KIF18B: variants seen among roughly 807,000 people sequenced by gnomAD.
KIF18B encodes the protein kinesin family member 18B.
KIF18B carries 49 observed loss-of-function variants against 80.9 expected under a neutral mutation model. That is an observed-to-expected ratio of 0.61 (90% CI 0.48 to 0.77). The LOEUF (loss-of-function observed/expected upper bound fraction) is 0.77, where lower values mean the gene tolerates loss of function less well. KIF18B is among the 30% of genes least tolerant of loss of function. KIF18B has a pLI of 0.00. For synonymous variants in KIF18B, 439 were observed against 463.9 expected, an observed-to-expected ratio of 0.95 and a Z score of 0.69; for missense variants, 994 against 1,127.7, an observed-to-expected ratio of 0.88 and a Z score of 1.70.
chr17:44,932,562 GA>G, intron 9 of KIF18B, 110 bp downstream of exon 9: 1 of 725,126 alleles, frequency 1.4e-6, no homozygotes, highest in East Asian at 2.5e-5. Context: ...TAACCCTAGG[GA>G]TTGGAGCAGA....
chr17:44,947,207 G>T (rs1000959686), intron 1 of KIF18B, among the ~76,000 whole-genome samples: 2 of 151,876 alleles, frequency 1.3e-5, no homozygotes, highest in Non-Finnish European at 2.9e-5. Flanking sequence ...ATGGGTGGAG[G>T]GGGGCTTACA....
chr17:44,926,872 G>T, intron 14 of KIF18B, 117 bp downstream of exon 14: 1 of 870,794 alleles, frequency 1.1e-6, no homozygotes, highest in Non-Finnish European at 1.8e-6. Flanking sequence ...GACCTCAGCT[G>T]CTTGCTCCGG....
At position 44,934,580 on chromosome 17, in the gene KIF18B, C is replaced by A. The variant is rs1218708091; in HGVS notation, c.614G>T (p.Arg205Met). Residue 205 changes from arginine to methionine, a missense_variant, in exon 5 of 16, where the codon AGG (arginine) becomes ATG (methionine). Physicochemically the swap from Arg to Met is moderately conservative, Grantham distance 91. Transcript: ENST00000593135. The surrounding 1 kb of genome is among the most constrained non-coding windows in gnomAD (Gnocchi z 5.4). ...GTGCTGCGTGCGGTTACGGTTCCCC[C>A]TGGTCAGTATCTCCAGCAGCTGCTC... Reference protein sequence around the residue: ...SAEQLLEILTRGNRNRTQHPT... With the variant: ...SAEQLLEILTMGNRNRTQHPT... The A allele has an allele frequency of 6.2e-7, 1 of 1,612,296 alleles. No homozygotes were observed. Among genetic ancestry groups the A allele is most frequent in the East Asian group, 2.2e-5 (1 of 44,840 alleles).
At chr17:44,931,268 T>A (rs971424704) in intron 11 of KIF18B, among the ~76,000 whole-genome samples, 2 of 152,198 alleles carry the variant, frequency 1.3e-5, no homozygotes, top group Admixed American at 1.3e-4. Context: ...GGCTGTCCCC[T>A]CCTTGCTGTG....
At position 44,926,128 on chromosome 17, in the gene KIF18B, C is replaced by G; in HGVS notation, c.2511G>C (p.Arg837Ser). 1.2e-6 allele frequency: 2 copies of G among 1,613,884 alleles called. No individual in the cohort carries two copies. The highest frequency in any genetic ancestry group is 1.7e-6 in the Non-Finnish European group (2 of 1,179,862). Reference protein sequence around the residue: ...SNRRNGKDLIRVGRALSAGNG... With the variant: ...SNRRNGKDLISVGRALSAGNG... ...TCCCTGCTGAGAGTGCTCTCCCCAC[C>G]CTGATGAGGTCCTTTCCATTCCTCC... Residue 837 changes from arginine (R) to serine (S), a missense_variant, in exon 16 of 16, where the codon AGG becomes AGC. Arg to Ser is a moderately radical substitution (Grantham distance 110). Transcript: ENST00000593135.
At chr17:44,928,664 G>A in intron 12 of KIF18B, 86 bp from the exon 13 acceptor site, 1 of 1,386,938 alleles carries the variant, frequency 7.2e-7, no homozygotes. Context: ...AGGTCTCCTG[G>A]GGCCTCTCTG....
Position 44,928,067 on chromosome 17 carries a change from T to A in KIF18B, c.2235A>T (p.Ile745=), listed in dbSNP as rs779631321. Residue 745 remains isoleucine (I), a synonymous_variant, in exon 13 of 16, where the codon ATA becomes ATT. Coordinates refer to ENST00000593135, the MANE Select transcript of KIF18B (RefSeq NM_001265577.2). The part of the protein sequence containing the change: ...SFHECIGWDK[I]PQELSRLDQP... ...GGTCCAGCCTGCTCAGCTCCTGGGG[T>A]ATTTTGTCCCAGCCAATGCATTCAT... 1 of 1,533,894 alleles carries A rather than the reference T, an allele frequency of 6.5e-7. No individual in the cohort carries two copies. Among genetic ancestry groups the A allele is most frequent in the Non-Finnish European group, 8.8e-7 (1 of 1,141,812 alleles).
chr17:44,932,206 G>A lies in KIF18B; in HGVS notation c.1239C>T (p.His413=). 6.3e-7 allele frequency: 1 copy of A among 1,579,506 alleles called. No homozygotes were observed. ...GSPKSGPPPE[H]QPCTPELPAG... The stretch of plus-strand genomic sequence containing the variant: ...CAGGGAGCTCTGGGGTGCAGGGCTG[G>A]CTGGGAGGGTGGGGTGGCAAGGGGG... Residue 413 remains histidine, a splice_region_variant and synonymous_variant, in exon 10 of 16, where the codon CAC becomes CAT. Transcript: ENST00000593135.
Position 44,934,329 on chromosome 17 carries a change from G to A in KIF18B, c.789C>T (p.Ser263=), listed in dbSNP as rs762990665. Residue 263 remains serine, a synonymous_variant, in exon 6 of 16, where the codon AGC becomes AGT. Coordinates refer to ENST00000593135, the MANE Select transcript of KIF18B (RefSeq NM_001265577.2). This position sits in a 1 kb window ranked among gnomAD's most constrained non-coding sequence, Gnocchi z 5.4. ...GCAGCCGCTCCCCCTTCGCATGGGT[G>A]CTGGATGCCCGCTCTGAGCCAGCCA... ...IDLAGSERAS[S]THAKGERLRE... is the part of the protein sequence containing the mutation. 1 of 1,609,534 alleles carries A rather than the reference G, an allele frequency of 6.2e-7. No homozygotes were observed. The highest frequency in any genetic ancestry group is 2.2e-5 in the East Asian group (1 of 44,738).
At chr17:44,938,988 G>C (rs2052363153) in intron 1 of KIF18B, among the ~76,000 whole-genome samples, 1 of 151,418 alleles carries the variant, frequency 6.6e-6, no homozygotes, top group Non-Finnish European at 1.5e-5. Context: ...AGGTTGCGGT[G>C]AGCTGAGATC....
chr17:44,928,120 CAG>C lies in KIF18B; in HGVS notation c.2180_2181del (p.Ser727Ter). ...AAACTGGGCTTTGAGGGAGGCTCCTCAGAGAGATCAAAGGTGGCATTGAGGTC... is the reference window on the plus strand; with the variant it reads ...AAACTGGGCTTTGAGGGAGGCTCCTCAGAGATCAAAGGTGGCATTGAGGTC... ...TRDLNATFDL[S>X]EEPPSKPSFH... On this transcript the variant is annotated frameshift_variant, in exon 13 of 16. Coordinates refer to ENST00000593135, the MANE Select transcript of KIF18B (RefSeq NM_001265577.2). LOFTEE classifies it high-confidence loss of function. 1 of 1,598,650 alleles carries C rather than the reference CAG, an allele frequency of 6.3e-7. No individual in the cohort carries two copies. The highest frequency in any genetic ancestry group is 8.5e-7 in the Non-Finnish European group (1 of 1,172,970).
intron 11 of KIF18B, among the ~76,000 whole-genome samples, chr17:44,931,183 C>G (rs1292413210): frequency 4.6e-5 from 7 of 152,218 alleles, no homozygotes; most frequent in Non-Finnish European, 7.3e-5. Flanking sequence ...CGCAATCAAT[C>G]TGTTGATGAA....
intron 11 of KIF18B, among the ~76,000 whole-genome samples, chr17:44,930,792 T>C (rs1006560202): frequency 6.6e-6 from 1 of 151,976 alleles, no homozygotes; most frequent in Admixed American, 6.6e-5. Flanking sequence ...CCCTGGGAGA[T>C]CAGGGGGATG....
At chr17:44,936,614 ATATATATATATTTTTTTT>A (rs1567796130) in intron 1 of KIF18B, among the ~76,000 whole-genome samples, 2 of 79,124 alleles carry the variant, frequency 2.5e-5, no homozygotes, top group African/African-American at 9.7e-5. Context: ...ATATATATAT[ATATATATATATTTTTTTT>A]TTTTTTTTTT....
chr17:44,928,099 T>C lies in KIF18B; in HGVS notation c.2203A>G (p.Ser735Gly). ...TCCCAGCCAATGCATTCATGGAAAC[T>C]GGGCTTTGAGGGAGGCTCCTCAGAG... The part of the protein sequence containing the change: ...DLSEEPPSKP[S>G]FHECIGWDKI... Residue 735 changes from serine to glycine, a missense_variant, in exon 13 of 16, where the codon AGT becomes GGT. Transcript: ENST00000593135. 1 of 1,570,490 alleles carries C rather than the reference T, an allele frequency of 6.4e-7. No individual in the cohort carries two copies. The highest frequency in any genetic ancestry group is 8.6e-7 in the Non-Finnish European group (1 of 1,160,382).
intron 1 of KIF18B, among the ~76,000 whole-genome samples, chr17:44,945,364 T>A (rs770823911): frequency 6.6e-6 from 1 of 152,158 alleles, no homozygotes; most frequent in African/African-American, 2.4e-5. Context: ...CCCAGTCTTA[T>A]CTTCTTTTAT....
At chr17:44,938,011 CACACACATAT>C (rs1167343413) in intron 1 of KIF18B, among the ~76,000 whole-genome samples, 2 of 137,474 alleles carry the variant, frequency 1.5e-5, no homozygotes, top group Non-Finnish European at 3.1e-5. Flanking sequence ...CACACACACA[CACACACATAT>C]ATATTTTTTT....
intron 1 of KIF18B, among the ~76,000 whole-genome samples, chr17:44,940,872 T>G (rs369364569): frequency 6.6e-6 from 1 of 152,164 alleles, no homozygotes; most frequent in Admixed American, 6.5e-5. Flanking sequence ...TTCGTCCCCA[T>G]ATAAAACAAG....
chr17:44,936,106 G>T lies in KIF18B; in HGVS notation c.239C>A (p.Ala80Asp). 1 of 1,613,838 alleles carries T rather than the reference G, an allele frequency of 6.2e-7. No homozygotes were observed. Among genetic ancestry groups the T allele is most frequent in the Non-Finnish European group, 8.5e-7 (1 of 1,179,892 alleles). ...FVFDRVFGEA[A>D]TQQDVFQHTT... ...GTGCTGGAACACGTCCTGTTGGGTG[G>T]CCGCCTCGCCAAAGACCCGGTCAAA... Residue 80 changes from alanine to aspartate, a missense_variant, in exon 2 of 16, where the codon GCC (alanine) becomes GAC (aspartate). Coordinates refer to ENST00000593135, the MANE Select transcript of KIF18B (RefSeq NM_001265577.2).
Sources: allele counts gnomAD v4.1 joint callset (sites outside exome capture counted in the v4.1 genomes callset), GRCh38; gene constraint gnomAD v4.1.1; non-coding constraint Gnocchi (gnomAD v3.1); transcripts MANE v1.5; gene names NCBI Gene and HGNC (gene_info 2026-07-23, HGNC 2026-07-21).